The following DNAAF2 variants were observed in gnomAD, a reference collection of about 807,000 sequenced individuals.
DNAAF2 encodes protein kintoun.
DNAAF2 carries 58 observed loss-of-function variants against 48.8 expected under a neutral mutation model. The ratio of observed to expected loss-of-function variants is 1.19; its 90% CI spans 0.96 to 1.48. The LOEUF is 1.48. Ranked by LOEUF, DNAAF2 falls within the 40% of genes most tolerant of loss-of-function variation. The pLI, the probability that DNAAF2 is intolerant of heterozygous loss-of-function variation, is 0.00. For synonymous variants in DNAAF2, 567 were observed against 481.2 expected (o/e 1.18, Z -2.33); for missense variants, 1,241 against 1,116.1 (o/e 1.11, Z -1.59).
chr14:49,631,604 C>CT (rs1566510528), intron 1 of DNAAF2, among the ~76,000 whole-genome samples: 1 of 152,034 alleles, frequency 6.6e-6, no homozygotes, highest in Non-Finnish European at 1.5e-5. Context: ...GTCTGGGCGA[C>CT]GGTGCAAGAC....
chr14:49,627,854 CAAA>C (rs1192627447), intron 2 of DNAAF2, among the ~76,000 whole-genome samples, 155 bp downstream of exon 2: 1 of 110,278 alleles, frequency 9.1e-6, no homozygotes, highest in Admixed American at 9.6e-5. Context: ...GACTCCATCT[CAAA>C]AAAAAAAAAA....
Position 49,625,759 on chromosome 14 carries a change from T to G in DNAAF2, c.2297A>C (p.Glu766Ala). Reference sequence around the variant, plus strand: ...TACTGACTCGTTTAAGTTATCTTTTTCCTCATTTGAACAAGTAGCACTTTT... The same window carrying G: ...TACTGACTCGTTTAAGTTATCTTTTGCCTCATTTGAACAAGTAGCACTTTT... ...KEKSATCSNEEKDNLNESVIT... is the reference protein window; with the variant it reads ...KEKSATCSNEAKDNLNESVIT... Residue 766 changes from glutamate (E) to alanine (A), a missense_variant, in exon 3 of 3, where the codon GAA becomes GCA. Physicochemically the swap from Glu to Ala is moderately radical, Grantham distance 107 (BLOSUM62 -1). Transcript: ENST00000298292. 6.2e-7 allele frequency: 1 copy of G among 1,612,048 alleles called. No homozygotes were observed. Among genetic ancestry groups the G allele is most frequent in the Non-Finnish European group, 8.5e-7 (1 of 1,179,392 alleles).
intron 1 of DNAAF2, among the ~76,000 whole-genome samples, chr14:49,632,860 C>T (rs181199744): frequency 3.8e-4 from 58 of 152,192 alleles, no homozygotes; most frequent in Non-Finnish European, 6.9e-4. Flanking sequence ...TAACAAAAAC[C>T]ACCAATTGTC....
At position 49,625,359 on chromosome 14, in the gene DNAAF2, CA is replaced by C. The variant is rs879075266; in HGVS notation, c.*182del. The stretch of plus-strand genomic sequence containing the variant: ...ATAAGGAAACTTTAAACTCCAGAGG[CA>C]AAAAAAAAAAAATTATCTCCAATTT... On this transcript the variant is annotated 3_prime_UTR_variant, in exon 3 of 3. Coordinates refer to ENST00000298292, the MANE Select transcript of DNAAF2 (RefSeq NM_018139.3). 0.13 allele frequency: 40,342 copies of C among 313,804 alleles called. 5 individuals are homozygous for C. The highest frequency in any genetic ancestry group is 0.19 in the East Asian group (3,462 of 18,606). 19.4% of individuals were successfully genotyped at this position (313,804 alleles called of 1,614,324 possible). A position where few individuals can be genotyped will look rare whatever the true frequency, so the allele number is the denominator to read the frequency against.
At chr14:49,631,813 A>G (rs929947054) in intron 1 of DNAAF2, among the ~76,000 whole-genome samples, 2 of 152,190 alleles carry the variant, frequency 1.3e-5, no homozygotes, top group African/African-American at 2.4e-5. Flanking sequence ...GCCACATAAC[A>G]GTCTCTTTAT....
chr14:49,630,381 G>A (rs1650308209), intron 1 of DNAAF2, among the ~76,000 whole-genome samples: 1 of 152,038 alleles, frequency 6.6e-6, no homozygotes, highest in African/African-American at 2.4e-5. Context: ...GTGAATACAG[G>A]TGTATAGTTA....
Position 49,634,386 on chromosome 14 carries a change from T to C in DNAAF2, c.764A>G (p.Tyr255Cys), listed in dbSNP as rs1318916883. 6.3e-7 allele frequency: 1 copy of C among 1,595,498 alleles called. No homozygotes were observed. The highest frequency in any genetic ancestry group is 8.5e-7 in the Non-Finnish European group (1 of 1,170,496). ...ALQPAPTEPR[Y>C]SVVQRHHVDL... ...CACGTGGTGGCGCTGCACCACGCTG[T>C]AGCGAGGCTCGGTGGGGGCGGGCTG... Residue 255 changes from tyrosine to cysteine, a missense_variant, in exon 1 of 3, where the codon TAC becomes TGC. Tyr to Cys is a radical substitution (Grantham distance 194). Transcript: ENST00000298292.
intron 1 of DNAAF2, among the ~76,000 whole-genome samples, chr14:49,631,724 A>G (rs1355492545): frequency 6.6e-6 from 1 of 152,222 alleles, no homozygotes; most frequent in African/African-American, 2.4e-5. Flanking sequence ...GGCTCTGAAG[A>G]TTTAGGAAAA....
Position 49,633,610 on chromosome 14 carries a change from C to T in DNAAF2, c.1540G>A (p.Gly514Arg), listed in dbSNP as rs1363539864. 6.2e-6 allele frequency: 10 copies of T among 1,613,604 alleles called. No homozygotes were observed. The highest frequency in any genetic ancestry group is 6.8e-6 in the Non-Finnish European group (8 of 1,179,860). Residue 514 changes from glycine (G) to arginine (R), a missense_variant, in exon 1 of 3, where the codon GGG (glycine) becomes AGG (arginine). By Grantham distance (125) the Gly-to-Arg change is moderately radical. Coordinates refer to ENST00000298292, the MANE Select transcript of DNAAF2 (RefSeq NM_018139.3). Reference protein sequence around the residue: ...QRSACAMGGPGTKSGEPLCPP... With the variant: ...QRSACAMGGPRTKSGEPLCPP... ...CACAAAGGCTCCCCGCTCTTGGTCC[C>T]GGGACCACCCATGGCGCAGGCTGAG...
rs1883250070 is a variant in DNAAF2 at position 49,634,008 on chromosome 14, G to A, written c.1142C>T (p.Ala381Val). 6.6e-7 allele frequency: 1 copy of A among 1,523,146 alleles called. No individual in the cohort carries two copies. Among genetic ancestry groups the A allele is most frequent in the Admixed American group, 2.0e-5 (1 of 49,104 alleles). 94.4% of individuals were successfully genotyped at this position (1,523,146 alleles called of 1,614,324 possible). The change falls in exon 1 of 3, where the codon GCT becomes GTT. Residue 381 changes from alanine to valine, a missense_variant. By Grantham distance (64) the Ala-to-Val change is moderately conservative (BLOSUM62 0). Coordinates refer to ENST00000298292, the MANE Select transcript of DNAAF2 (RefSeq NM_018139.3). Reference sequence around the variant, plus strand: ...TCCCGCCTCCCCCTCGCGAGCGGAAGCGCAGGCCTGGCCGTCAGTTCCGGA... The same window carrying A: ...TCCCGCCTCCCCCTCGCGAGCGGAAACGCAGGCCTGGCCGTCAGTTCCGGA... ...DRSGTDGQAC[A>V]SAREGEAGPA...
At chr14:49,630,048 A>G (rs1430193464) in intron 1 of DNAAF2, among the ~76,000 whole-genome samples, 1 of 152,072 alleles carries the variant, frequency 6.6e-6, no homozygotes, top group African/African-American at 2.4e-5. Context: ...CCTAGGCAAC[A>G]TGGCAAAACT....
chr14:49,625,548 C>A lies in DNAAF2; in HGVS notation c.2508G>T (p.Leu836Phe). 2.5e-6 allele frequency: 4 copies of A among 1,573,150 alleles called. No individual in the cohort carries two copies. The highest frequency in any genetic ancestry group is 3.4e-6 in the Non-Finnish European group (4 of 1,161,170). ...FSFQNSLLYD[L>F]D ...AGTCCAAAATTATATAGAATTAATCCAAATCATATAGCAAAGAATTCTGAA... is the reference window on the plus strand; with the variant it reads ...AGTCCAAAATTATATAGAATTAATCAAAATCATATAGCAAAGAATTCTGAA... Residue 836 changes from leucine (L) to phenylalanine (F), a missense_variant, in exon 3 of 3, where the codon TTG becomes TTT. Coordinates refer to ENST00000298292, the MANE Select transcript of DNAAF2 (RefSeq NM_018139.3).
chr14:49,634,568 C>A lies in DNAAF2; in HGVS notation c.582G>T (p.Gly194=). The A allele has an allele frequency of 1.9e-6, 3 of 1,604,846 alleles. No homozygotes were observed. The highest frequency in any genetic ancestry group is 2.5e-6 in the Non-Finnish European group (3 of 1,179,720). The part of the protein sequence containing the change: ...NAKTLKAKYK[G]TPEAAVLRTP... ...TGCGCAGCACCGCAGCCTCTGGGGT[C>A]CCCTTATACTTGGCCTTCAGGGTCT... is the stretch of plus-strand genomic sequence containing the variant. Residue 194 remains glycine, a synonymous_variant, in exon 1 of 3, where the codon GGG becomes GGT. Coordinates refer to ENST00000298292, the MANE Select transcript of DNAAF2 (RefSeq NM_018139.3).
At chr14:49,631,795 C>T (rs963771250) in intron 1 of DNAAF2, among the ~76,000 whole-genome samples, 1 of 152,146 alleles carries the variant, frequency 6.6e-6, no homozygotes. Flanking sequence ...AAAGTTCTGA[C>T]CTTGAAAGCC....
rs2139571656 is a variant in DNAAF2 at position 49,625,902 on chromosome 14, T to C, written c.2154A>G (p.Gln718=). 6.2e-7 allele frequency: 1 copy of C among 1,613,574 alleles called. No individual in the cohort carries two copies. The highest frequency in any genetic ancestry group is 8.5e-7 in the Non-Finnish European group (1 of 1,179,748). ...ATGTAACTAAACCAAAGCTATCTAT[T>C]TGTAGTGCTTTAACTGCTATAGATG... The part of the protein sequence containing the change: ...SDSSIAVKAL[Q]IDSFGLVTCF... The change falls in exon 3 of 3, where the codon CAA becomes CAG. Residue 718 remains glutamine, a synonymous_variant. Coordinates refer to ENST00000298292, the MANE Select transcript of DNAAF2 (RefSeq NM_018139.3).
rs759713976 is a variant in DNAAF2 at position 49,633,416 on chromosome 14, A to C, written c.1734T>G (p.Asn578Lys). Residue 578 changes from asparagine (N) to lysine (K), a missense_variant, in exon 1 of 3, where the codon AAT (asparagine) becomes AAG (lysine). Coordinates refer to ENST00000298292, the MANE Select transcript of DNAAF2 (RefSeq NM_018139.3). ...YSFFLQFAPE[N>K]KLSTTEPVIS... is the part of the protein sequence containing the mutation. Reference sequence around the variant, plus strand: ...TCACAGGTTCTGTGGTACTCAATTTATTCTCTGGAGCAAATTGCAAAAAGA... The same window carrying C: ...TCACAGGTTCTGTGGTACTCAATTTCTTCTCTGGAGCAAATTGCAAAAAGA... 3 of 1,614,074 alleles carry C rather than the reference A, an allele frequency of 1.9e-6. No homozygotes were observed. The South Asian group carries it at 3.3e-5, about 18-fold the overall frequency.
At chr14:49,631,879 G>T (rs1427136324) in intron 1 of DNAAF2, among the ~76,000 whole-genome samples, 1 of 152,132 alleles carries the variant, frequency 6.6e-6, no homozygotes, top group Non-Finnish European at 1.5e-5. Context: ...CACTACTCAT[G>T]ATTTTTTTCC....
Position 49,634,017 on chromosome 14 carries a change from T to C in DNAAF2, c.1133A>G (p.Gln378Arg), listed in dbSNP as rs570366279. The C allele has an allele frequency of 1.3e-6, 2 of 1,523,256 alleles. No individual in the cohort carries two copies. Among genetic ancestry groups the C allele is most frequent in the South Asian group, 1.2e-5 (1 of 81,856 alleles). The allele number at this position is 1,523,256 out of a possible 1,614,324, so 94.4% of individuals were successfully genotyped here. A position where few individuals can be genotyped will look rare whatever the true frequency, so the allele number is the denominator to read the frequency against. ...ESADRSGTDG[Q>R]ACASAREGEA... ...CCCCTCGCGAGCGGAAGCGCAGGCC[T>C]GGCCGTCAGTTCCGGACCGGTCCGC... The change falls in exon 1 of 3, where the codon CAG becomes CGG. Residue 378 changes from glutamine (Q) to arginine (R), a missense_variant. Physicochemically the swap from Gln to Arg is conservative, Grantham distance 43. Coordinates refer to ENST00000298292, the MANE Select transcript of DNAAF2 (RefSeq NM_018139.3).
chr14:49,626,125 A>G, intron 2 of DNAAF2, 77 bp from the exon 3 acceptor site: 1 of 1,223,258 alleles, frequency 8.2e-7, no homozygotes, highest in Non-Finnish European at 1.1e-6. Context: ...CTGGAAATAA[A>G]ATTTTTAACA....
Sources: gnomAD v4.1 joint callset for allele counts (sites outside exome capture counted in the v4.1 genomes callset) on GRCh38, gnomAD v4.1.1 for gene constraint, MANE v1.5 for transcripts, NCBI Gene and HGNC (gene_info 2026-07-23, HGNC 2026-07-21) for gene names.